The following UBAP1 variants were observed in gnomAD, a reference collection of about 807,000 sequenced individuals.
UBAP1 encodes ubiquitin associated protein 1.
Under a neutral mutation model 39.0 loss-of-function variants are expected in UBAP1, and 5 were observed. The observed-to-expected ratio is 0.13, with a 90% CI of 0.07 to 0.27. UBAP1 has a LOEUF of 0.27. Ranked by LOEUF, UBAP1 falls within the 10% of genes least tolerant of loss-of-function variation. The pLI, the probability that UBAP1 is intolerant of heterozygous loss-of-function variation, is 1.00. For synonymous variants in UBAP1, 211 were observed against 225.1 expected (o/e 0.94, Z 0.56); for missense variants, 490 against 608.1 (o/e 0.81, Z 2.04).
chr9:34,190,988 C>CAT (rs1216637090), intron 1 of UBAP1, among the ~76,000 whole-genome samples: 2 of 151,748 alleles, frequency 1.3e-5, no homozygotes, highest in Non-Finnish European at 2.9e-5. Context: ...AGTGGAAGAG[C>CAT]ATATATATAT....
intron 1 of UBAP1, among the ~76,000 whole-genome samples, chr9:34,181,731 CTTT>C (rs547723861): frequency 6.7e-5 from 8 of 119,788 alleles, no homozygotes; most frequent in Admixed American, 1.9e-4. Flanking sequence ...CGTGCCAGGC[CTTT>C]TTTTTTTTTT....
chr9:34,234,988 C>T (rs1833612059), intron 3 of UBAP1, among the ~76,000 whole-genome samples: 2 of 152,032 alleles, frequency 1.3e-5, no homozygotes, highest in South Asian at 4.1e-4. Flanking sequence ...GAAGACCATA[C>T]AGTGAAACAA....
At position 34,203,051 on chromosome 9, in the gene UBAP1, G is replaced by T. The variant is rs574145763; in HGVS notation, c.-7-17857G>T. On this transcript the variant is annotated intron_variant, in intron 1 of 6. Coordinates refer to ENST00000297661, the MANE Select transcript of UBAP1 (RefSeq NM_016525.5). ...CTTTTCATCTTGCTTTTTTTGTGTT[G>T]AAGGAAACTGAATCACTTTTTCTAA... 3.7e-3 allele frequency among the ~76,000 whole-genome samples: 564 copies of T among 152,012 alleles called. 1 individual carries two copies. Among genetic ancestry groups the T allele is most frequent in the Non-Finnish European group, 6.4e-3 (434 of 67,942 alleles).
intron 1 of UBAP1, among the ~76,000 whole-genome samples, chr9:34,186,588 C>T (rs960597783): frequency 6.6e-6 from 1 of 151,636 alleles, no homozygotes; most frequent in Non-Finnish European, 1.5e-5. Context: ...GAAATTGTAT[C>T]TATAGTGTTT....
chr9:34,200,360 T>A (rs1417820697), intron 1 of UBAP1, among the ~76,000 whole-genome samples: 1 of 152,232 alleles, frequency 6.6e-6, no homozygotes, highest in Non-Finnish European at 1.5e-5. Flanking sequence ...AGAATAGGGC[T>A]TGTTTCTCTG....
intron 2 of UBAP1, among the ~76,000 whole-genome samples, chr9:34,222,216 G>T (rs1289845693): frequency 6.6e-6 from 1 of 152,154 alleles, no homozygotes; most frequent in Non-Finnish European, 1.5e-5. Flanking sequence ...AGCTGCCAGT[G>T]GTTGCTTGAT....
At chr9:34,243,123 T>C (rs1378490915) in intron 4 of UBAP1, among the ~76,000 whole-genome samples, 2 of 152,204 alleles carry the variant, frequency 1.3e-5, no homozygotes, top group Non-Finnish European at 2.9e-5. Context: ...TGGAGTGGGC[T>C]TCATTCTAAT....
At chr9:34,207,425 C>T (rs1162395889) in intron 1 of UBAP1, among the ~76,000 whole-genome samples, 1 of 150,346 alleles carries the variant, frequency 6.7e-6, no homozygotes. Context: ...AAACATGGTA[C>T]TTCAGTTTTC....
chr9:34,243,768 G>T (rs890264437), intron 4 of UBAP1, among the ~76,000 whole-genome samples: 1 of 151,980 alleles, frequency 6.6e-6, no homozygotes, highest in Non-Finnish European at 1.5e-5. Context: ...GGGATTACAG[G>T]TGTGAGCCAC....
intron 1 of UBAP1, among the ~76,000 whole-genome samples, chr9:34,183,847 C>T (rs1267766292): frequency 3.3e-5 from 5 of 151,138 alleles, no homozygotes; most frequent in African/African-American, 7.3e-5. Context: ...CTCAGCTCAC[C>T]GCAACTGCCG....
chr9:34,186,420 C>G (rs901355730), intron 1 of UBAP1, among the ~76,000 whole-genome samples: 2 of 152,140 alleles, frequency 1.3e-5, no homozygotes, highest in Admixed American at 6.6e-5. Context: ...CCAAACACTT[C>G]CAGTGTTTTG....
intron 1 of UBAP1, among the ~76,000 whole-genome samples, chr9:34,200,500 T>C (rs1432576008): frequency 6.6e-6 from 1 of 152,236 alleles, no homozygotes; most frequent in Non-Finnish European, 1.5e-5. Context: ...ATGATTAGGA[T>C]GGATAGATGT....
chr9:34,202,635 G>C (rs1158084685), intron 1 of UBAP1, among the ~76,000 whole-genome samples: 64 of 124,016 alleles, frequency 5.2e-4, no homozygotes, highest in African/African-American at 1.2e-3. Flanking sequence ...GTGTGTGTGT[G>C]TGTGTGTGTG....
intron 1 of UBAP1, among the ~76,000 whole-genome samples, chr9:34,208,233 C>A (rs961943172): frequency 6.6e-6 from 1 of 151,496 alleles, no homozygotes; most frequent in Non-Finnish European, 1.5e-5. Flanking sequence ...TTTTTTTAAT[C>A]AAGGATTTTC....
At chr9:34,213,457 G>A (rs1277519808) in intron 1 of UBAP1, among the ~76,000 whole-genome samples, 3 of 152,122 alleles carry the variant, frequency 2.0e-5, no homozygotes, top group African/African-American at 7.2e-5. Flanking sequence ...GTTGCAGTGA[G>A]CCGAGATCGC....
At chr9:34,220,983 G>T (rs1474455950) in intron 2 of UBAP1, 35 bp downstream of exon 2, 3 of 1,591,134 alleles carry the variant, frequency 1.9e-6, no homozygotes, top group East Asian at 2.2e-5. Flanking sequence ...TTTAAGTTAT[G>T]ATTTGATCAG....
intron 2 of UBAP1, among the ~76,000 whole-genome samples, chr9:34,230,388 T>C (rs1194137417): frequency 1.3e-5 from 2 of 152,188 alleles, no homozygotes; most frequent in Non-Finnish European, 2.9e-5. Context: ...TTAATGTGGA[T>C]AGATTTTATC....
chr9:34,224,010 T>C, intron 2 of UBAP1: 1 of 486,118 alleles, frequency 2.1e-6, no homozygotes, highest in Non-Finnish European at 3.7e-6. Context: ...ACCTTGATTT[T>C]CCTAAGATAG....
At chr9:34,190,145 TAACA>T (rs754729774) in intron 1 of UBAP1, among the ~76,000 whole-genome samples, 4 of 152,222 alleles carry the variant, frequency 2.6e-5, no homozygotes, top group Non-Finnish European at 5.9e-5. Context: ...TTTACCTATG[TAACA>T]AACCTTCACA....
Sources: allele counts gnomAD v4.1 joint callset (sites outside exome capture counted in the v4.1 genomes callset), GRCh38; gene constraint gnomAD v4.1.1; transcripts MANE v1.5; gene names NCBI Gene and HGNC (gene_info 2026-07-23, HGNC 2026-07-21).